The following WRAP73 variants were observed in gnomAD, a reference collection of about 807,000 sequenced individuals.
The protein encoded by WRAP73 is WD repeat-containing protein WRAP73.
Under a neutral mutation model 59.6 loss-of-function variants are expected in WRAP73, and 55 were observed. That is an observed-to-expected ratio of 0.92 (90% CI 0.74 to 1.15). The LOEUF (loss-of-function observed/expected upper bound fraction) is 1.15. Ranked by LOEUF, WRAP73 falls within the 50% of genes most tolerant of loss-of-function variation. The pLI is 0.00. For synonymous variants in WRAP73, 265 were observed against 258.2 expected (o/e 1.03, Z -0.25); for missense variants, 592 against 608.1 (o/e 0.97, Z 0.28).
rs140996711 is a variant in WRAP73, at chr1:3,631,638, G to A, written c.1068C>T (p.Val356=). ...TCAGCTTCTGAATGTCCCAGACCCA[G>A]ACGGCATTGGGAATGTTGTCTGAGG... ...ATRNDNIPNA[V]WVWDIQKLRL... The change falls in exon 11 of 12, where the codon GTC becomes GTT. Residue 356 remains valine, a synonymous_variant. Coordinates refer to ENST00000270708, the MANE Select transcript of WRAP73 (RefSeq NM_017818.4). 1 of 1,597,270 alleles carries A rather than the reference G, an allele frequency of 6.3e-7. No individual in the cohort carries two copies. Among genetic ancestry groups the A allele is most frequent in the African/African-American group, 1.3e-5 (1 of 74,852 alleles).
intron 9 of WRAP73, 49 bp downstream of exon 9, chr1:3,633,349 A>C: frequency 6.6e-7 from 1 of 1,516,522 alleles, no homozygotes; most frequent in African/African-American, 1.4e-5. Flanking sequence ...GACAACGAGG[A>C]ATCTTGCATT....
intron 10 of WRAP73, chr1:3,631,879 T>C: frequency 7.2e-7 from 1 of 1,392,316 alleles, no homozygotes; most frequent in South Asian, 1.7e-5. Context: ...TGTTTCTTTC[T>C]TTGGTATTTT....
At chr1:3,631,678 C>T in intron 10 of WRAP73, 21 bp from the exon 11 acceptor site, 1 of 1,573,450 alleles carries the variant, frequency 6.4e-7, no homozygotes, top group Non-Finnish European at 8.6e-7. Context: ...AAGGACAGGG[C>T]ACCGGTGTCA....
intron 11 of WRAP73, 118 bp downstream of exon 11, chr1:3,631,348 G>A (rs1191989005): frequency 3.6e-6 from 5 of 1,385,584 alleles, no homozygotes; most frequent in Non-Finnish European, 4.9e-6. Context: ...AAGACTCTGA[G>A]GGCAGTTTCC....
Position 3,649,970 on chromosome 1 carries a change from G to A in WRAP73, c.30C>T (p.Ser10=). MNFSEVFKL[S]SLLCKFSPDG... is the part of the protein sequence containing the mutation. ...CCGGGGAGAACTTGCAGAGTAAGCT[G>A]GAGAGCTTGAATACCTCGGAGAAGT... Residue 10 remains serine, a synonymous_variant, in exon 1 of 12, where the codon TCC becomes TCT. Transcript: ENST00000270708. The A allele has an allele frequency of 6.2e-7, 1 of 1,603,844 alleles. No individual in the cohort carries two copies. Among genetic ancestry groups the A allele is most frequent in the South Asian group, 1.1e-5 (1 of 89,470 alleles).
At position 3,639,049 on chromosome 1, in the gene WRAP73, C is replaced by A; in HGVS notation, c.340-227G>T. 1.9e-6 allele frequency: 1 copy of A among 521,490 alleles called. No individual in the cohort carries two copies. Among genetic ancestry groups the A allele is most frequent in the Non-Finnish European group, 3.4e-6 (1 of 298,128 alleles). The allele number at this position is 521,490 out of a possible 1,614,324, so 32.3% of individuals were successfully genotyped here. A position where few individuals can be genotyped will look rare whatever the true frequency, so the allele number is the denominator to read the frequency against. On this transcript the variant is annotated intron_variant, in intron 3 of 11. Coordinates refer to ENST00000270708, the MANE Select transcript of WRAP73 (RefSeq NM_017818.4). This position sits in a 1 kb window ranked among gnomAD's most constrained non-coding sequence, Gnocchi z 4.3. Reference sequence around the variant, plus strand: ...GTTTTCTGTTGTTGTTGTTTTATACCAAAATTGAGTGACACAAAGTTAAAT... The same window carrying A: ...GTTTTCTGTTGTTGTTGTTTTATACAAAAATTGAGTGACACAAAGTTAAAT...
At chr1:3,634,732 C>T (rs1245099213) in intron 8 of WRAP73, 1 of 501,252 alleles carries the variant, frequency 2.0e-6, no homozygotes, top group Non-Finnish European at 3.6e-6. Flanking sequence ...TCCAGACAGA[C>T]CACAAAGGAG....
intron 5 of WRAP73, chr1:3,636,442 C>CT (rs528278118): frequency 5.5e-4 from 172 of 311,732 alleles, no homozygotes; most frequent in African/African-American, 3.4e-3. Context: ...TGTGCACACT[C>CT]TCCCCCTCAC....
intron 9 of WRAP73, chr1:3,632,835 T>TTTTTAATGATACGGC: frequency 4.2e-6 from 1 of 238,180 alleles, no homozygotes; most frequent in South Asian, 5.0e-5. Context: ...GCACCTGTCC[T>TTTTTAATGATACGGC]GACCCCCATC....
In WRAP73 at chr1:3,634,982, G is replaced by A. The variant is rs375471844; in HGVS notation, c.816+15C>T. ...CAACAGCCTGCTCAGGCAGAAACAC[G>A]TGTTCCAGACTTACTATCTTGGGAT... On this transcript the variant is annotated intron_variant, in intron 8 of 11. Transcript: ENST00000270708. The A allele has an allele frequency of 1.8e-5, 29 of 1,613,936 alleles. No individual in the cohort carries two copies. Among genetic ancestry groups the A allele is most frequent in the Non-Finnish European group, 1.9e-5 (23 of 1,179,958 alleles).
chr1:3,631,923 C>A, intron 10 of WRAP73: 2 of 1,388,394 alleles, frequency 1.4e-6, no homozygotes, highest in South Asian at 3.4e-5. Context: ...AATGGAGAAA[C>A]CCTTAACAAA....
intron 3 of WRAP73, among the ~76,000 whole-genome samples, chr1:3,642,918 A>G (rs3765689): frequency 0.044 from 6,710 of 151,960 alleles, 319 homozygotes; most frequent in East Asian, 0.22. Context: ...AACTAAATCC[A>G]AACTGCAGTA....
chr1:3,632,024 T>C, intron 10 of WRAP73, 189 bp downstream of exon 10: 1 of 1,474,406 alleles, frequency 6.8e-7, no homozygotes, highest in Non-Finnish European at 8.9e-7. Context: ...TGCGCGGACC[T>C]GCGGCTGCTG....
chr1:3,638,735 C>T lies in WRAP73; in HGVS notation c.412+15G>A, dbSNP rs748517317. The T allele has an allele frequency of 3.7e-6, 6 of 1,613,780 alleles. No homozygotes were observed. The highest frequency in any genetic ancestry group is 1.6e-4 in the Middle Eastern group (1 of 6,084). ...CTGCAAAGAAATGGCTTTTGCGTGG[C>T]TCCGATCGACTCACCCTGCAGACAA... On this transcript the variant is annotated intron_variant, in intron 4 of 11. Transcript: ENST00000270708.
Position 3,631,089 on chromosome 1 carries a change from C to G in WRAP73, c.1269G>C (p.Trp423Cys). 1 of 1,613,350 alleles carries G rather than the reference C, an allele frequency of 6.2e-7. No homozygotes were observed. Among genetic ancestry groups the G allele is most frequent in the Non-Finnish European group, 8.5e-7 (1 of 1,180,016 alleles). The change falls in exon 12 of 12, where the codon TGG becomes TGC. Residue 423 changes from tryptophan (W) to cysteine (C), a missense_variant. Coordinates refer to ENST00000270708, the MANE Select transcript of WRAP73 (RefSeq NM_017818.4). ...EGDFAVLSLCWHLSGDSMALL... is the reference protein window; with the variant it reads ...EGDFAVLSLCCHLSGDSMALL... ...GGGCCATCGAGTCTCCGCTTAAATG[C>G]CAGCACAGAGAGAGCACTGCAAAGT...
rs538092463 is a variant in WRAP73 at position 3,643,574 on chromosome 1, C to T, written c.339+3092G>A. Among the ~76,000 whole-genome samples, 366 of 139,096 alleles carry T rather than the reference C, an allele frequency of 2.6e-3. 5 individuals carry two copies. Among genetic ancestry groups the T allele is most frequent in the African/African-American group, 8.0e-3 (326 of 40,662 alleles). 91.3% of individuals were successfully genotyped at this position (139,096 alleles called of 152,430 possible). A position where few individuals can be genotyped will look rare whatever the true frequency, so the allele number is the denominator to read the frequency against. On this transcript the variant is annotated intron_variant, in intron 3 of 11. Transcript: ENST00000270708. ...TGGACTCAGCGGCCCCACTAACCCC[C>T]GAAATGGGGTCGCGCCTTCGGAAGG...
In WRAP73 at chr1:3,631,532, T is replaced by C. The variant is rs1557452600; in HGVS notation, c.1174A>G (p.Thr392Ala). Residue 392 changes from threonine (T) to alanine (A), a missense_variant, in exon 11 of 12, where the codon ACG (threonine) becomes GCG (alanine). By Grantham distance (58) the Thr-to-Ala change is moderately conservative. Transcript: ENST00000270708. ...CACAGGTAGAGCCTGCTGCCTCCCGTGCAGATGGCCAGCCGCGGCTGCTGC... is the reference window on the plus strand; with the variant it reads ...CACAGGTAGAGCCTGCTGCCTCCCGCGCAGATGGCCAGCCGCGGCTGCTGC... ...DPQQPRLAICTGGSRLYLWSP... is the reference protein window; with the variant it reads ...DPQQPRLAICAGGSRLYLWSP... 6.2e-7 allele frequency: 1 copy of C among 1,610,866 alleles called. No homozygotes were observed. Among genetic ancestry groups the C allele is most frequent in the Non-Finnish European group, 8.5e-7 (1 of 1,179,226 alleles).
At chr1:3,648,045 G>C (rs1287211216) in intron 1 of WRAP73, among the ~76,000 whole-genome samples, 1 of 152,200 alleles carries the variant, frequency 6.6e-6, no homozygotes, top group Non-Finnish European at 1.5e-5. Flanking sequence ...ATGCAGTGCC[G>C]AACTCAGAGC....
At chr1:3,641,860 G>C (rs1288775395) in intron 3 of WRAP73, among the ~76,000 whole-genome samples, 1 of 152,186 alleles carries the variant, frequency 6.6e-6, no homozygotes, top group African/African-American at 2.4e-5. Flanking sequence ...AAGGTAAAAG[G>C]ATAGAAAAAG....
Sources: gnomAD v4.1 joint callset for allele counts (sites outside exome capture counted in the v4.1 genomes callset) on GRCh38, gnomAD v4.1.1 for gene constraint, Gnocchi (gnomAD v3.1) non-coding constraint, MANE v1.5 for transcripts, NCBI Gene and HGNC (gene_info 2026-07-23, HGNC 2026-07-21) for gene names.